Variants in CBLC observed in about 807,000 individuals in gnomAD.
CBLC encodes Cbl proto-oncogene C.
A neutral mutation model predicts 58.6 loss-of-function variants in CBLC; 46 were observed. The ratio of observed to expected loss-of-function variants is 0.79; its 90% CI spans 0.62 to 1.00. The LOEUF is 1.00. CBLC is among the 50% of genes least tolerant of loss of function. CBLC has a pLI of 0.00. For synonymous variants in CBLC, 271 were observed against 264.2 expected (o/e 1.03, Z -0.25); for missense variants, 655 against 625.8 (o/e 1.05, Z -0.50).
chr19:44,797,574 CTTTT>C (rs763685561), intron 9 of CBLC, among the ~76,000 whole-genome samples: 3 of 133,214 alleles, frequency 2.3e-5, no homozygotes. Flanking sequence ...CCTGGCATTG[CTTTT>C]TTTTTTTTTT....
rs1323687243 is a variant in CBLC at position 44,778,038 on chromosome 19, G to A, written c.107G>A (p.Arg36Gln). The change falls in exon 1 of 11, where the codon CGG becomes CAG. Residue 36 changes from arginine (R) to glutamine (Q), a missense_variant. This residue lies in a region of CBLC where 280 missense variants were observed against 237.2 expected (regional missense o/e 1.18). Coordinates refer to ENST00000647358, the MANE Select transcript of CBLC (RefSeq NM_012116.4). Reference sequence around the variant, plus strand: ...CTAGAAGAGCAATGCGTCGACCCCCGGCTGTCCGTGAGTCCCCCTTCGCTG... The same window carrying A: ...CTAGAAGAGCAATGCGTCGACCCCCAGCTGTCCGTGAGTCCCCCTTCGCTG... ...QRLEEQCVDP[R>Q]LSVSPPSLRD... The A allele has an allele frequency of 3.7e-6, 6 of 1,609,372 alleles. No homozygotes were observed. The highest frequency in any genetic ancestry group is 5.1e-6 in the Non-Finnish European group (6 of 1,179,646).
intron 5 of CBLC, among the ~76,000 whole-genome samples, chr19:44,786,358 G>A (rs1221097175): frequency 2.0e-5 from 3 of 151,890 alleles, no homozygotes; most frequent in Admixed American, 6.6e-5. Context: ...TTGGAACACC[G>A]AGTCGCGCAG....
At chr19:44,800,203 C>T (rs964132189) in intron 9 of CBLC, among the ~76,000 whole-genome samples, 178 bp from the exon 10 acceptor site, 3 of 152,212 alleles carry the variant, frequency 2.0e-5, no homozygotes, top group East Asian at 3.8e-4. Flanking sequence ...CCCCAGACTT[C>T]GGGCCCCTCT....
rs766697689 is a variant in CBLC, at chr19:44,781,363, G to A, written c.657G>A (p.Gln219=). Residue 219 remains glutamine (Q), a splice_region_variant and synonymous_variant, in exon 3 of 11, where the codon CAG becomes CAA. Transcript: ENST00000647358. ...TCGACGTCTTCACCAGGCTCTTTCA[G>A]GTCAGGGAAGGCCAAGGCTGGGAGC... is the stretch of plus-strand genomic sequence containing the variant. ...FEFDVFTRLF[Q]PWPTLLKNWQ... 1 of 1,607,626 alleles carries A rather than the reference G, an allele frequency of 6.2e-7. No individual in the cohort carries two copies. Among genetic ancestry groups the A allele is most frequent in the South Asian group, 1.1e-5 (1 of 90,988 alleles).
intron 6 of CBLC, among the ~76,000 whole-genome samples, chr19:44,790,990 T>G (rs1347375547): frequency 6.6e-6 from 1 of 151,830 alleles, no homozygotes; most frequent in Non-Finnish European, 1.5e-5. Flanking sequence ...ACACCTGTAG[T>G]CCCAGCTGAG....
chr19:44,788,126 T>C (rs1366988517), intron 5 of CBLC, among the ~76,000 whole-genome samples: 1 of 151,678 alleles, frequency 6.6e-6, no homozygotes, highest in Admixed American at 6.6e-5. Context: ...GGTGGTTCTT[T>C]TTTTTTCTGT....
chr19:44,780,751 G>A (rs1174454042), intron 1 of CBLC, among the ~76,000 whole-genome samples, 154 bp from the exon 2 acceptor site: 1 of 152,220 alleles, frequency 6.6e-6, no homozygotes, highest in Non-Finnish European at 1.5e-5. Flanking sequence ...GGGATTACAG[G>A]CGTGAGCCAC....
At chr19:44,786,622 A>G (rs993632646) in intron 5 of CBLC, among the ~76,000 whole-genome samples, 1 of 152,022 alleles carries the variant, frequency 6.6e-6, no homozygotes, top group African/African-American at 2.4e-5. Flanking sequence ...AAAAAGAAAA[A>G]AAAATTGACA....
chr19:44,797,682 G>C (rs186872766), intron 9 of CBLC, among the ~76,000 whole-genome samples: 20 of 149,242 alleles, frequency 1.3e-4, no homozygotes, highest in African/African-American at 4.2e-4. Flanking sequence ...TTGAACCCAG[G>C]AGGCAGAGGT....
chr19:44,797,574 C>CT lies in CBLC; in HGVS notation c.1363-2792dup, dbSNP rs763685561. Among the ~76,000 whole-genome samples, 345 of 133,176 alleles carry CT rather than the reference C, an allele frequency of 2.6e-3. 3 individuals carry two copies. The highest frequency in any genetic ancestry group is 3.6e-3 in the Middle Eastern group (1 of 274). The allele number at this position is 133,176 out of a possible 152,430, so 87.4% of individuals were successfully genotyped here. A position where few individuals can be genotyped will look rare whatever the true frequency, so the allele number is the denominator to read the frequency against. ...AACTTTTGCTATGTGCCTGGCATTG[C>CT]TTTTTTTTTTTTTTTAAGATGGGGT... On this transcript the variant is annotated intron_variant, in intron 9 of 10. Coordinates refer to ENST00000647358, the MANE Select transcript of CBLC (RefSeq NM_012116.4).
At chr19:44,790,940 C>A (rs772090907) in intron 6 of CBLC, among the ~76,000 whole-genome samples, 8 of 151,914 alleles carry the variant, frequency 5.3e-5, no homozygotes, top group Non-Finnish European at 1.0e-4. Context: ...TGAAACCCAT[C>A]TCTACCAAAA....
intron 1 of CBLC, among the ~76,000 whole-genome samples, chr19:44,779,416 G>GC (rs1223924943): frequency 3.3e-5 from 5 of 152,178 alleles, no homozygotes; most frequent in Non-Finnish European, 7.3e-5. Flanking sequence ...CTGCCTGGAG[G>GC]CCACCCCTCT....
rs1968274981 is a variant in CBLC, at chr19:44,800,609, A to G, written c.*66A>G. On this transcript the variant is annotated 3_prime_UTR_variant, in exon 11 of 11. Transcript: ENST00000647358. ...GGGCTGGAAGGGGGTTGTGAAACCG[A>G]AATAAACTGCCAAGCCTGGTCTGTC... The G allele has an allele frequency of 1.8e-6, 1 of 566,280 alleles. No individual in the cohort carries two copies. The highest frequency in any genetic ancestry group is 3.2e-6 in the Non-Finnish European group (1 of 315,546). 35.1% of individuals were successfully genotyped at this position (566,280 alleles called of 1,614,324 possible). A position where few individuals can be genotyped will look rare whatever the true frequency, so the allele number is the denominator to read the frequency against.
chr19:44,792,504 C>G lies in CBLC; in HGVS notation c.1127C>G (p.Ala376Gly). 6.2e-7 allele frequency: 1 copy of G among 1,600,154 alleles called. No homozygotes were observed. The highest frequency in any genetic ancestry group is 8.5e-7 in the Non-Finnish European group (1 of 1,174,794). The change falls in exon 7 of 11, where the codon GCT (alanine) becomes GGT (glycine). Residue 376 changes from alanine (A) to glycine (G), a missense_variant. Coordinates refer to ENST00000647358, the MANE Select transcript of CBLC (RefSeq NM_012116.4). ...CGHLLCSCCL[A>G]AWQHSDSQTC... Reference sequence around the variant, plus strand: ...CACCTGCTCTGCAGCTGCTGCCTGGCTGCCTGGCAGGTGGGTCTGACCCCT... The same window carrying G: ...CACCTGCTCTGCAGCTGCTGCCTGGGTGCCTGGCAGGTGGGTCTGACCCCT...
rs775321656 is a variant in CBLC at position 44,781,287 on chromosome 19, T to C, written c.581T>C (p.Leu194Ser). The change falls in exon 3 of 11, where the codon TTG becomes TCG. Residue 194 changes from leucine to serine, a missense_variant. By Grantham distance (145) the Leu-to-Ser change is moderately radical. This residue lies in a region of CBLC where 371 missense variants were observed against 370.8 expected (regional missense o/e 1.00). Coordinates refer to ENST00000647358, the MANE Select transcript of CBLC (RefSeq NM_012116.4). ...PVEPGCTALA[L>S]RTTIDLTCSG... The stretch of plus-strand genomic sequence containing the variant: ...GAACCAGGCTGCACAGCCCTGGCCT[T>C]GCGCACCACCATTGACCTCACCTGC... 6.2e-7 allele frequency: 1 copy of C among 1,613,728 alleles called. No individual in the cohort carries two copies. The highest frequency in any genetic ancestry group is 8.5e-7 in the Non-Finnish European group (1 of 1,180,010).
chr19:44,777,907 C>A lies in CBLC; in HGVS notation c.-25C>A, dbSNP rs1247154058. 2.6e-6 allele frequency: 4 copies of A among 1,526,066 alleles called. No individual in the cohort carries two copies. The highest frequency in any genetic ancestry group is 2.8e-5 in the African/African-American group (2 of 70,816). The allele number at this position is 1,526,066 out of a possible 1,614,324, so 94.5% of individuals were successfully genotyped here. On this transcript the variant is annotated 5_prime_UTR_variant, in exon 1 of 11. Transcript: ENST00000647358. Reference sequence around the variant, plus strand: ...CCGCCCCTATCCCAGCCGCACCGGTCCTTCCCGGCACACGCGAGGCTCCCA... The same window carrying A: ...CCGCCCCTATCCCAGCCGCACCGGTACTTCCCGGCACACGCGAGGCTCCCA...
rs534709043 is a variant in CBLC, at chr19:44,780,291, C to T, written c.354-614C>T. Among the ~76,000 whole-genome samples the T allele has an allele frequency of 9.2e-5, 14 of 151,804 alleles. No homozygotes were observed. The South Asian group carries it at 2.5e-3, about 27-fold the overall frequency. On this transcript the variant is annotated intron_variant, in intron 1 of 10. Transcript: ENST00000647358. ...CTGGGATTACAGGCACCCGCCACCA[C>T]GCAGCGATAATTTTTATAGTTTTTA... is the stretch of plus-strand genomic sequence containing the variant.
chr19:44,800,320 G>A, intron 9 of CBLC, 61 bp from the exon 10 acceptor site: 2 of 1,174,792 alleles, frequency 1.7e-6, no homozygotes, highest in Non-Finnish European at 2.6e-6. Flanking sequence ...CAGGGAAGAG[G>A]GGCAGAGGGA....
intron 6 of CBLC, among the ~76,000 whole-genome samples, chr19:44,791,910 C>T: frequency 6.6e-6 from 1 of 151,874 alleles, no homozygotes; most frequent in East Asian, 1.9e-4. Flanking sequence ...CTCAAGCATT[C>T]CACCTGCCTT....
Sources: allele counts gnomAD v4.1 joint callset (sites outside exome capture counted in the v4.1 genomes callset), GRCh38; gene constraint gnomAD v4.1.1; regional missense constraint gnomAD v4.1.1; transcripts MANE v1.5; gene names NCBI Gene and HGNC (gene_info 2026-07-23, HGNC 2026-07-21).